The following ASTN2 variants were observed in gnomAD, a reference collection of about 807,000 sequenced individuals.
ASTN2 encodes the protein astrotactin-2.
ASTN2 carries 54 observed loss-of-function variants against 139.8 expected under a neutral mutation model. The ratio of observed to expected loss-of-function variants is 0.39; its 90% CI spans 0.31 to 0.48. The LOEUF (loss-of-function observed/expected upper bound fraction) is 0.48. Ranked by LOEUF, ASTN2 falls within the 20% of genes least tolerant of loss-of-function variation. The pLI is 0.95. For missense variants in ASTN2, 1,565 were observed against 1,725.1 expected, an observed-to-expected ratio of 0.91 and a Z score of 1.64; for synonymous variants, 756 against 719.5, an observed-to-expected ratio of 1.05 and a Z score of -0.81.
At position 117,086,625 on chromosome 9, in the gene ASTN2, T is replaced by C. The variant is rs1299188144; in HGVS notation, c.1276+9419A>G. On this transcript the variant is annotated intron_variant, in intron 5 of 22. Transcript: ENST00000313400. ...ACCCAAGTCTTAGGACTTCCAGTGA[T>C]TTCATGACATCCTCTTGCTTGGCTC... is the stretch of plus-strand genomic sequence containing the variant. 2.6e-5 allele frequency among the ~76,000 whole-genome samples: 4 copies of C among 152,022 alleles called. No individual in the cohort carries two copies. The East Asian group carries it at 7.8e-4, about 29-fold the overall frequency.
intron 11 of ASTN2, among the ~76,000 whole-genome samples, chr9:116,855,239 C>G (rs1832709605): frequency 6.6e-6 from 1 of 152,066 alleles, no homozygotes; most frequent in South Asian, 2.1e-4. Context: ...CTTGGAAACC[C>G]TATTACCCCA....
chr9:117,134,704 T>G (rs2132845482), intron 4 of ASTN2, among the ~76,000 whole-genome samples: 1 of 152,296 alleles, frequency 6.6e-6, no homozygotes, highest in Middle Eastern at 3.4e-3. Flanking sequence ...CTTCTTTAAT[T>G]ATTCCCCCAG....
intron 2 of ASTN2, among the ~76,000 whole-genome samples, chr9:117,240,038 C>A (rs1196836663): frequency 6.6e-6 from 1 of 152,134 alleles, no homozygotes; most frequent in Non-Finnish European, 1.5e-5. Flanking sequence ...TTCATTACCC[C>A]AATAAAGCCA....
At chr9:116,537,743 C>A (rs1851705722) in intron 19 of ASTN2, among the ~76,000 whole-genome samples, 1 of 152,146 alleles carries the variant, frequency 6.6e-6, no homozygotes, top group African/African-American at 2.4e-5. Flanking sequence ...GAGGCAGATG[C>A]CCTGTGGGAA....
intron 17 of ASTN2, among the ~76,000 whole-genome samples, chr9:116,639,371 G>A (rs803923): frequency 0.52 from 79,164 of 152,104 alleles, 21,847 homozygotes; most frequent in East Asian, 0.86. Flanking sequence ...CTGACCATCT[G>A]TGTAATGGTA....
chr9:116,947,774 A>T (rs13289311), intron 10 of ASTN2, among the ~76,000 whole-genome samples: 64,532 of 152,170 alleles, frequency 0.42, 15,393 homozygotes, highest in Non-Finnish European at 0.54. Flanking sequence ...TCTCATAGAT[A>T]ATAACAATAT....
chr9:116,821,639 A>G (rs776296184), intron 11 of ASTN2, among the ~76,000 whole-genome samples: 2 of 152,144 alleles, frequency 1.3e-5, no homozygotes, highest in Non-Finnish European at 2.9e-5. Flanking sequence ...ATCTTAAAAC[A>G]TGTGAAGCTG....
intron 7 of ASTN2, among the ~76,000 whole-genome samples, chr9:117,007,312 C>T (rs1837384443): frequency 6.6e-6 from 1 of 152,118 alleles, no homozygotes; most frequent in African/African-American, 2.4e-5. Flanking sequence ...TATAATTTAC[C>T]TGCTTGTTTG....
intron 13 of ASTN2, among the ~76,000 whole-genome samples, chr9:116,738,916 C>T (rs1275058292): frequency 2.0e-5 from 3 of 152,248 alleles, no homozygotes; most frequent in Admixed American, 2.0e-4. Flanking sequence ...TGTTATTCAC[C>T]ACCACAGTGG....
chr9:116,990,369 C>G lies in ASTN2; in HGVS notation c.1592-13584G>C, dbSNP rs542253533. On this transcript the variant is annotated intron_variant, in intron 7 of 22. Coordinates refer to ENST00000313400, the MANE Select transcript of ASTN2 (RefSeq NM_001365068.1). ...GCAACCTCTGCCTCTTGGGTTCAAGCGATTCTCCTGCCTCCGCCTCCCGAG... is the reference window on the plus strand; with the variant it reads ...GCAACCTCTGCCTCTTGGGTTCAAGGGATTCTCCTGCCTCCGCCTCCCGAG... Among the ~76,000 whole-genome samples the G allele has an allele frequency of 8.0e-3, 238 of 29,604 alleles. 3 individuals are homozygous for G. The Middle Eastern group carries it at 0.39, about 49-fold the overall frequency. 19.4% of individuals were successfully genotyped at this position (29,604 alleles called of 152,430 possible). A position where few individuals can be genotyped will look rare whatever the true frequency, so the allele number is the denominator to read the frequency against.
intron 3 of ASTN2, among the ~76,000 whole-genome samples, chr9:117,151,363 G>A (rs573689462): frequency 2.0e-5 from 3 of 152,182 alleles, no homozygotes; most frequent in South Asian, 2.1e-4. Context: ...TCAGAACTCC[G>A]TGGGAGTAGA....
intron 17 of ASTN2, among the ~76,000 whole-genome samples, chr9:116,624,409 G>A (rs1366657959): frequency 1.3e-5 from 2 of 152,164 alleles, no homozygotes; most frequent in Non-Finnish European, 2.9e-5. Flanking sequence ...CAAAGGATCC[G>A]TGGCTTATTA....
intron 16 of ASTN2, among the ~76,000 whole-genome samples, chr9:116,654,566 T>C (rs2900133): frequency 0.11 from 16,479 of 152,180 alleles, 1,389 homozygotes; most frequent in South Asian, 0.4. Context: ...TCAAAAACTA[T>C]TGAAAGAACA....
chr9:116,487,239 C>T (rs1351646329), intron 20 of ASTN2, 120 bp downstream of exon 20: 3 of 1,253,188 alleles, frequency 2.4e-6, no homozygotes, highest in Admixed American at 2.3e-5. Context: ...TCTCAAGTTG[C>T]ACATACAGGC....
At chr9:116,721,517 C>T (rs1828473096) in intron 16 of ASTN2, among the ~76,000 whole-genome samples, 1 of 152,114 alleles carries the variant, frequency 6.6e-6, no homozygotes, top group Admixed American at 6.5e-5. Context: ...AAGTATTATG[C>T]TAGAGGAAGA....
At chr9:117,407,415 G>A (rs944909836) in intron 1 of ASTN2, among the ~76,000 whole-genome samples, 8 of 152,206 alleles carry the variant, frequency 5.3e-5, no homozygotes, top group South Asian at 2.1e-4. Context: ...AGATCAGTGC[G>A]TTGACTGTTG....
At chr9:117,362,368 C>T (rs577128898) in intron 1 of ASTN2, among the ~76,000 whole-genome samples, 42 of 143,528 alleles carry the variant, frequency 2.9e-4, no homozygotes, top group African/African-American at 9.0e-4. Context: ...TCGTTGCCCC[C>T]GGAAAAAATC....
intron 13 of ASTN2, among the ~76,000 whole-genome samples, chr9:116,803,499 TA>T (rs1830930084): frequency 1.7e-4 from 1 of 5,886 alleles, no homozygotes; most frequent in East Asian, 7.8e-3. Context: ...TATATATATA[TA>T]TATATATATA....
chr9:116,466,151 C>T (rs1848642145), intron 20 of ASTN2, among the ~76,000 whole-genome samples: 1 of 152,116 alleles, frequency 6.6e-6, no homozygotes, highest in Admixed American at 6.6e-5. Context: ...GCTTTTGAAT[C>T]AAGGACGCAT....
Sources: allele counts gnomAD v4.1 joint callset (sites outside exome capture counted in the v4.1 genomes callset), GRCh38; gene constraint gnomAD v4.1.1; transcripts MANE v1.5; gene names NCBI Gene and HGNC (gene_info 2026-07-23, HGNC 2026-07-21).